The following USP28 variants were observed in gnomAD, a reference collection of about 807,000 sequenced individuals.
USP28 encodes the protein ubiquitin specific peptidase 28.
In USP28, 113 loss-of-function variants were observed where a neutral mutation model predicts 145.0. That is an observed-to-expected ratio of 0.78 (90% CI 0.67 to 0.91). The LOEUF (loss-of-function observed/expected upper bound fraction) is 0.91. Ranked by LOEUF, USP28 falls within the 40% of genes least tolerant of loss-of-function variation. The probability of loss-of-function intolerance (pLI) is 0.00; values close to 1 mark genes in which losing one functional copy is unlikely to be tolerated. For missense variants in USP28, 1,201 were observed against 1,289.6 expected (o/e 0.93, Z 1.05); for synonymous variants, 447 against 450.9 (o/e 0.99, Z 0.11).
chr11:113,851,968 T>C (rs1946506100), intron 3 of USP28, among the ~76,000 whole-genome samples: 1 of 152,208 alleles, frequency 6.6e-6, no homozygotes, highest in Non-Finnish European at 1.5e-5. Context: ...TCAAGAGTGC[T>C]TGGCACATAG....
chr11:113,823,735 A>G (rs1328348133), intron 11 of USP28, 35 bp from the exon 12 acceptor site: 1 of 1,502,154 alleles, frequency 6.7e-7, no homozygotes, highest in Non-Finnish European at 9.1e-7. Context: ...AATTTATATT[A>G]TAAAACATTA....
intron 15 of USP28, 73 bp from the exon 16 acceptor site, chr11:113,812,577 T>C: frequency 7.4e-7 from 1 of 1,345,504 alleles, no homozygotes; most frequent in South Asian, 1.3e-5. Flanking sequence ...TATTAAGAAA[T>C]TACTGTTTAT....
chr11:113,830,625 T>C, intron 9 of USP28, among the ~76,000 whole-genome samples: 1 of 152,150 alleles, frequency 6.6e-6, no homozygotes, highest in African/African-American at 2.4e-5. Context: ...ATTTGGGCTG[T>C]GCAAGTATTA....
At chr11:113,803,827 T>A (rs752000730) in exon 22 of USP28, 1 of 1,614,036 alleles carries the variant, frequency 6.2e-7, no homozygotes, top group Non-Finnish European at 8.5e-7. Context: ...CTAGGCCTGT[T>A]AGGAGATACA....
intron 1 of USP28, chr11:113,874,495 A>G: frequency 7.8e-7 from 1 of 1,286,734 alleles, no homozygotes; most frequent in Non-Finnish European, 1.0e-6. Context: ...AAAAGAGTAA[A>G]AAGGTATAAA....
chr11:113,837,063 G>A (rs1009535336), intron 5 of USP28, among the ~76,000 whole-genome samples: 3 of 152,116 alleles, frequency 2.0e-5, no homozygotes, highest in Admixed American at 6.5e-5. Flanking sequence ...AGTTAATACT[G>A]CAACCTGTTC....
chr11:113,852,244 G>A (rs1320632684), intron 3 of USP28, among the ~76,000 whole-genome samples: 2 of 152,128 alleles, frequency 1.3e-5, no homozygotes, highest in Non-Finnish European at 2.9e-5. Context: ...TAGCCAGGAT[G>A]GTCTCGATCT....
chr11:113,823,857 T>G (rs530246919), intron 11 of USP28, among the ~76,000 whole-genome samples, 157 bp from the exon 12 acceptor site: 5 of 152,306 alleles, frequency 3.3e-5, no homozygotes, highest in Non-Finnish European at 7.4e-5. Flanking sequence ...AACTGATGCA[T>G]TCCCCCTAAA....
chr11:113,863,353 G>A (rs946855797), intron 1 of USP28, among the ~76,000 whole-genome samples: 51 of 151,546 alleles, frequency 3.4e-4, no homozygotes, highest in Admixed American at 3.0e-3. Flanking sequence ...GGCGCAGTGG[G>A]TCACTGCTGA....
chr11:113,873,449 A>G (rs1949022356), intron 1 of USP28, among the ~76,000 whole-genome samples: 1 of 152,238 alleles, frequency 6.6e-6, no homozygotes, highest in Non-Finnish European at 1.5e-5. Flanking sequence ...TATGACTTAC[A>G]TACAAATGCT....
At position 113,818,057 on chromosome 11, in the gene USP28, C is replaced by T. The variant is rs2135550227; in HGVS notation, c.1284-220G>A. On this transcript the variant is annotated intron_variant, in intron 12 of 24. Transcript: ENST00000003302. ...CTGAAGTTTTATATCTGGCAGGAAA[C>T]ATTTCAAATAGGCTCCTAATCAAAG... The T allele has an allele frequency of 6.9e-6, 3 of 437,112 alleles. No individual in the cohort carries two copies. In the South Asian group the frequency reaches 2.0e-4, roughly 30 times the overall value. 27.1% of individuals were successfully genotyped at this position (437,112 alleles called of 1,614,324 possible). A position where few individuals can be genotyped will look rare whatever the true frequency, so the allele number is the denominator to read the frequency against.
At chr11:113,832,251 A>G (rs1565413522) in intron 7 of USP28, among the ~76,000 whole-genome samples, 1 of 152,132 alleles carries the variant, frequency 6.6e-6, no homozygotes. Flanking sequence ...CTGGGATTAC[A>G]GGCACATGCC....
intron 1 of USP28, among the ~76,000 whole-genome samples, chr11:113,866,454 C>T (rs72997420): frequency 0.018 from 2,765 of 152,218 alleles, 28 homozygotes; most frequent in Non-Finnish European, 0.029. Context: ...AACCAAAAAA[C>T]GAGACAACCC....
chr11:113,838,437 A>G (rs907045019), intron 5 of USP28, among the ~76,000 whole-genome samples: 3 of 152,002 alleles, frequency 2.0e-5, no homozygotes, highest in African/African-American at 7.2e-5. Context: ...CATGACCCCA[A>G]GCTCTTCCAC....
intron 6 of USP28, among the ~76,000 whole-genome samples, chr11:113,833,952 C>G (rs994876812): frequency 7.2e-5 from 11 of 152,248 alleles, no homozygotes; most frequent in Non-Finnish European, 1.0e-4. Flanking sequence ...TCTCCAGCAT[C>G]ACATTGCCTA....
chr11:113,803,022 A>G (rs1023883057), intron 23 of USP28, 136 bp downstream of exon 24: 1 of 1,017,556 alleles, frequency 9.8e-7, no homozygotes, highest in Non-Finnish European at 1.4e-6. Context: ...TCCAATGTAA[A>G]ACTGTTCATG....
intron 21 of USP28, 139 bp downstream of exon 22, chr11:113,804,534 C>T: frequency 1.5e-6 from 1 of 675,452 alleles, no homozygotes; most frequent in East Asian, 2.7e-5. Context: ...ATCATTTATC[C>T]ATTCTTTACC....
intron 1 of USP28, among the ~76,000 whole-genome samples, chr11:113,860,631 G>A (rs1412757966): frequency 1.3e-5 from 2 of 151,722 alleles, no homozygotes; most frequent in African/African-American, 2.4e-5. Context: ...CCAATATGGT[G>A]AAACCCCATC....
At chr11:113,801,496 C>A (rs898549495) in exon 24 of USP28, 1 of 1,579,932 alleles carries the variant, frequency 6.3e-7, no homozygotes, top group East Asian at 2.3e-5. Context: ...CAATATCTTG[C>A]CCAAGGTAAG....
Sources: gnomAD v4.1 joint callset for allele counts (sites outside exome capture counted in the v4.1 genomes callset) on GRCh38, gnomAD v4.1.1 for gene constraint, MANE v1.5 for transcripts, NCBI Gene and HGNC (gene_info 2026-07-23, HGNC 2026-07-21) for gene names.